The following SOBP variants were observed in gnomAD, a reference collection of about 807,000 sequenced individuals.
SOBP encodes sine oculis-binding protein homolog.
A neutral mutation model predicts 53.6 loss-of-function variants in SOBP; 4 were observed. The ratio of observed to expected loss-of-function variants is 0.07; its 90% confidence interval spans 0.04 to 0.17. The LOEUF (loss-of-function observed/expected upper bound fraction) is 0.17, where lower values mean the gene tolerates loss of function less well. Among genes scored for constraint, SOBP ranks in the 10% least tolerant of loss-of-function variants. SOBP has a pLI of 1.00. For synonymous variants in SOBP, 584 were observed against 522.6 expected (o/e 1.12, Z -1.60); for missense variants, 1,088 against 1,204.7 (o/e 0.90, Z 1.43).
At chr6:107,499,233 G>A (rs1282137993) in intron 1 of SOBP, among the ~76,000 whole-genome samples, 1 of 152,050 alleles carries the variant, frequency 6.6e-6, no homozygotes, top group Non-Finnish European at 1.5e-5. Context: ...ATGTATTTTA[G>A]TTTTGACTTT....
At chr6:107,506,644 C>T (rs1783002446) in intron 3 of SOBP, among the ~76,000 whole-genome samples, 1 of 152,092 alleles carries the variant, frequency 6.6e-6, no homozygotes, top group Admixed American at 6.6e-5. Flanking sequence ...TTTCAACTGA[C>T]AGTAAACCTT....
chr6:107,628,260 T>C (rs2115132133), intron 5 of SOBP, among the ~76,000 whole-genome samples: 1 of 152,286 alleles, frequency 6.6e-6, no homozygotes, highest in Middle Eastern at 3.4e-3. Flanking sequence ...CAGCAGGAGT[T>C]GAATAGAGGC....
At chr6:107,534,928 G>A (rs1045430366) in intron 4 of SOBP, among the ~76,000 whole-genome samples, 34 of 152,228 alleles carry the variant, frequency 2.2e-4, no homozygotes, top group African/African-American at 7.0e-4. Context: ...CTGAGACCCC[G>A]GGGCTCCCGT....
At chr6:107,618,119 G>T (rs7739223) in intron 5 of SOBP, among the ~76,000 whole-genome samples, 1 of 152,082 alleles carries the variant, frequency 6.6e-6, no homozygotes, top group African/African-American at 2.4e-5. Flanking sequence ...GTGAGCCACC[G>T]TGCGCGGCCC....
chr6:107,515,058 A>G (rs1175603190), intron 3 of SOBP: 1 of 152,242 alleles, frequency 6.6e-6, no homozygotes, highest in Non-Finnish European at 1.5e-5. Context: ...AAAAAGGTTC[A>G]TATGTTATTA....
chr6:107,512,044 C>T (rs1283149368), intron 3 of SOBP, among the ~76,000 whole-genome samples: 1 of 151,624 alleles, frequency 6.6e-6, no homozygotes, highest in African/African-American at 2.4e-5. Context: ...CAGAATAAGG[C>T]TTTGCCATAT....
intron 1 of SOBP, among the ~76,000 whole-genome samples, chr6:107,495,540 A>C (rs1782678433): frequency 6.6e-6 from 1 of 152,166 alleles, no homozygotes; most frequent in Non-Finnish European, 1.5e-5. Context: ...CTAGAAGAAA[A>C]TGAGTCTGAC....
rs771954039 is a variant in SOBP, at chr6:107,635,305, C to T, written c.2461C>T (p.Leu821=). The T allele has an allele frequency of 1.1e-5, 18 of 1,613,738 alleles. No individual in the cohort carries two copies. The highest frequency in any genetic ancestry group is 2.2e-5 in the East Asian group (1 of 44,870). The change falls in exon 6 of 7, where the codon CTG becomes TTG. Residue 821 remains leucine (L), a synonymous_variant. Coordinates refer to ENST00000317357, the MANE Select transcript of SOBP (RefSeq NM_018013.4). This position sits in a 1 kb window ranked among gnomAD's most constrained non-coding sequence, Gnocchi z 4.5. ...GGACCATGCCTATGCTCTGCGGATG[C>T]TGCCCAAGACCGGCTGCGTGATCCA... ...DEDHAYALRM[L]PKTGCVIQPV...
chr6:107,491,742 C>G (rs1382120324), intron 1 of SOBP, among the ~76,000 whole-genome samples: 2 of 152,186 alleles, frequency 1.3e-5, no homozygotes, highest in African/African-American at 4.8e-5. Context: ...TGGTGTTCCC[C>G]ATCTTCTGCA....
chr6:107,640,869 AG>A (rs1771276570), intron 6 of SOBP, among the ~76,000 whole-genome samples: 1 of 152,058 alleles, frequency 6.6e-6, no homozygotes, highest in Non-Finnish European at 1.5e-5. Context: ...GCACCCACTC[AG>A]GGTCATGCTA....
At position 107,633,859 on chromosome 6, in the gene SOBP, A is replaced by T. The variant is rs1221030081; in HGVS notation, c.1015A>T (p.Asn339Tyr). The T allele has an allele frequency of 1.2e-6, 2 of 1,613,974 alleles. No homozygotes were observed. The highest frequency in any genetic ancestry group is 1.7e-6 in the Non-Finnish European group (2 of 1,179,978). Reference protein sequence around the residue: ...STTVSPSDTANCSVTKIPTPV... With the variant: ...STTVSPSDTAYCSVTKIPTPV... ...CACCGTCTCTCCATCTGACACTGCC[A>T]ACTGCTCTGTCACTAAAATCCCCAC... Residue 339 changes from asparagine to tyrosine, a missense_variant, in exon 6 of 7, where the codon AAC becomes TAC. Physicochemically the swap from Asn to Tyr is moderately radical, Grantham distance 143 (BLOSUM62 -2). Around this residue, in one of 6 missense-constraint regions of SOBP, gnomAD observed 211 missense variants for 258.9 expected, o/e 0.82. Coordinates refer to ENST00000317357, the MANE Select transcript of SOBP (RefSeq NM_018013.4).
intron 3 of SOBP, chr6:107,509,948 C>A (rs115198043): frequency 7.2e-4 from 109 of 152,264 alleles, no homozygotes; most frequent in African/African-American, 2.6e-3. Context: ...CTCAAGGGTT[C>A]TATATGACAA....
In SOBP at chr6:107,648,437, G is replaced by A. The variant is rs577548047; in HGVS notation, c.*4-9770G>A. On this transcript the variant is annotated intron_variant, in intron 6 of 6. Transcript: ENST00000317357. Reference sequence around the variant, plus strand: ...TGCTCCTGTAGTCACAGTGGGGAGAGGGGAGCAGAGCTGTGGGCCAGGGGC... The same window carrying A: ...TGCTCCTGTAGTCACAGTGGGGAGAAGGGAGCAGAGCTGTGGGCCAGGGGC... Among the ~76,000 whole-genome samples, 5 of 152,212 alleles carry A rather than the reference G, an allele frequency of 3.3e-5. No individual in the cohort carries two copies. The East Asian group carries it at 9.6e-4, about 29-fold the overall frequency.
At chr6:107,566,557 T>G (rs1473460591) in intron 4 of SOBP, among the ~76,000 whole-genome samples, 3 of 152,232 alleles carry the variant, frequency 2.0e-5, no homozygotes, top group African/African-American at 7.2e-5. Flanking sequence ...TTGGCTTCTC[T>G]CCACCTCTCC....
At chr6:107,553,017 G>A (rs940335652) in intron 4 of SOBP, among the ~76,000 whole-genome samples, 2 of 152,106 alleles carry the variant, frequency 1.3e-5, no homozygotes, top group African/African-American at 2.4e-5. Context: ...ATTAGAGATG[G>A]GGTGGGTGTG....
chr6:107,622,660 T>G (rs547499615), intron 5 of SOBP, among the ~76,000 whole-genome samples: 1 of 152,202 alleles, frequency 6.6e-6, no homozygotes, highest in African/African-American at 2.4e-5. Context: ...AGAACTAAAA[T>G]ATAAAATGAC....
chr6:107,538,750 T>C lies in SOBP; in HGVS notation c.573+5140T>C, dbSNP rs570687999. On this transcript the variant is annotated intron_variant, in intron 4 of 6. Transcript: ENST00000317357. ...GCAAACGGGTGTTCTCAGAAAGCTC[T>C]GGGGAAAAGAACAACAAACCCAAGT... Among the ~76,000 whole-genome samples the C allele has an allele frequency of 7.0e-4, 106 of 152,330 alleles. 4 individuals are homozygous for C. The South Asian group carries it at 0.022, about 31-fold the overall frequency.
intron 6 of SOBP, among the ~76,000 whole-genome samples, chr6:107,642,021 A>G (rs2115164293): frequency 6.6e-6 from 1 of 152,358 alleles, no homozygotes; most frequent in Admixed American, 6.5e-5. Flanking sequence ...ATGTTAAGGC[A>G]ATGCATTCTG....
intron 5 of SOBP, among the ~76,000 whole-genome samples, chr6:107,597,535 G>T (rs1785990902): frequency 6.6e-6 from 1 of 152,108 alleles, no homozygotes; most frequent in African/African-American, 2.4e-5. Context: ...AAGCATTACT[G>T]AAGTATTTAT....
Sources: allele counts gnomAD v4.1 joint callset (sites outside exome capture counted in the v4.1 genomes callset), GRCh38; gene constraint gnomAD v4.1.1; regional missense constraint gnomAD v4.1.1; non-coding constraint Gnocchi (gnomAD v3.1); transcripts MANE v1.5; gene names NCBI Gene and HGNC (gene_info 2026-07-23, HGNC 2026-07-21).